CACNA2D3: variants seen among roughly 807,000 people sequenced by gnomAD.
CACNA2D3 encodes voltage-dependent calcium channel subunit alpha-2/delta-3.
CACNA2D3 carries 60 observed loss-of-function variants against 160.6 expected under a neutral mutation model. The ratio of observed to expected loss-of-function variants is 0.37; its 90% CI spans 0.30 to 0.46. CACNA2D3 has a LOEUF of 0.46. Ranked by LOEUF, CACNA2D3 falls within the 20% of genes least tolerant of loss-of-function variation. The probability of loss-of-function intolerance (pLI) is 1.00; values close to 1 mark genes in which losing one functional copy is unlikely to be tolerated. For missense variants in CACNA2D3, 1,205 were observed against 1,365.0 expected, an observed-to-expected ratio of 0.88 and a Z score of 1.85; for synonymous variants, 558 against 492.9, an observed-to-expected ratio of 1.13 and a Z score of -1.75.
intron 3 of CACNA2D3, among the ~76,000 whole-genome samples, chr3:54,356,773 A>G (rs766442857): frequency 5.9e-5 from 9 of 152,322 alleles, no homozygotes; most frequent in Non-Finnish European, 1.2e-4. Flanking sequence ...AGTGGTATTA[A>G]TTTTAAAAAT....
chr3:54,759,497 C>G (rs1032912502), intron 12 of CACNA2D3, among the ~76,000 whole-genome samples: 1 of 149,482 alleles, frequency 6.7e-6, no homozygotes, highest in Non-Finnish European at 1.5e-5. Context: ...AAAAAAAAGG[C>G]TCAGAAAGAT....
intron 35 of CACNA2D3, among the ~76,000 whole-genome samples, chr3:55,052,362 C>T (rs1343394069): frequency 1.3e-5 from 2 of 151,684 alleles, no homozygotes; most frequent in African/African-American, 4.8e-5. Flanking sequence ...CATGATCTAA[C>T]TTTGTGAATA....
chr3:54,346,635 A>G (rs757066098), intron 3 of CACNA2D3, among the ~76,000 whole-genome samples: 50 of 152,184 alleles, frequency 3.3e-4, no homozygotes, highest in Non-Finnish European at 5.1e-4. Flanking sequence ...CATTATTAAC[A>G]TCTTGTATTA....
intron 20 of CACNA2D3, among the ~76,000 whole-genome samples, 152 bp downstream of exon 20, chr3:54,879,563 G>T (rs1699743395): frequency 6.6e-6 from 1 of 152,070 alleles, no homozygotes; most frequent in African/African-American, 2.4e-5. Context: ...TTCCCAGGCT[G>T]CTTTTGTTTT....
intron 4 of CACNA2D3, among the ~76,000 whole-genome samples, chr3:54,465,353 A>G (rs575523298): frequency 7.9e-5 from 12 of 152,294 alleles, no homozygotes; most frequent in South Asian, 6.2e-4. Flanking sequence ...AAACAAGCAC[A>G]TTCACATTAC....
At chr3:54,149,910 TCTCTCTCTCTCTCTCTCTCTCC>T (rs1700107999) in intron 2 of CACNA2D3, among the ~76,000 whole-genome samples, 2 of 92,502 alleles carry the variant, frequency 2.2e-5, no homozygotes, top group African/African-American at 4.5e-5. Context: ...TCTCTCTCTC[TCTCTCTCTCTCTCTCTCTCTCC>T]CTCCCTCCCT....
chr3:55,013,579 C>T (rs1703258255), intron 34 of CACNA2D3, among the ~76,000 whole-genome samples: 1 of 152,162 alleles, frequency 6.6e-6, no homozygotes, highest in Admixed American at 6.5e-5. Context: ...TTACCATTCC[C>T]TCAAAAGATA....
chr3:54,899,691 T>C (rs1700281460), intron 26 of CACNA2D3, 97 bp from the exon 27 acceptor site: 1 of 899,316 alleles, frequency 1.1e-6, no homozygotes, highest in African/African-American at 1.7e-5. Flanking sequence ...CCCAGAACAA[T>C]TTGCAGAATT....
chr3:54,349,384 G>T (rs566788967), intron 3 of CACNA2D3, among the ~76,000 whole-genome samples: 1 of 152,280 alleles, frequency 6.6e-6, no homozygotes, highest in Admixed American at 6.5e-5. Context: ...AGGCATTCCT[G>T]AGAGGCAGCT....
At chr3:54,742,101 A>G (rs1701662187) in intron 11 of CACNA2D3, among the ~76,000 whole-genome samples, 1 of 152,102 alleles carries the variant, frequency 6.6e-6, no homozygotes, top group South Asian at 2.1e-4. Flanking sequence ...TTGTGGGCTC[A>G]AGCAGTCTGT....
At chr3:54,421,119 A>C (rs1468606045) in intron 4 of CACNA2D3, among the ~76,000 whole-genome samples, 3 of 152,208 alleles carry the variant, frequency 2.0e-5, no homozygotes, top group African/African-American at 7.2e-5. Context: ...GAGATGAAGC[A>C]AGAGGCACCC....
intron 11 of CACNA2D3, among the ~76,000 whole-genome samples, chr3:54,715,226 A>G (rs1180526887): frequency 6.6e-6 from 1 of 152,196 alleles, no homozygotes; most frequent in African/African-American, 2.4e-5. Flanking sequence ...ACTCAGGGAA[A>G]CACTTTACTT....
At chr3:54,989,262 C>G (rs747366651) in intron 31 of CACNA2D3, among the ~76,000 whole-genome samples, 2 of 152,136 alleles carry the variant, frequency 1.3e-5, no homozygotes, top group Non-Finnish European at 2.9e-5. Flanking sequence ...TTGGATATTC[C>G]TTTCAAACTG....
intron 2 of CACNA2D3, among the ~76,000 whole-genome samples, chr3:54,251,773 A>G (rs1214556337): frequency 6.6e-6 from 1 of 152,238 alleles, no homozygotes; most frequent in African/African-American, 2.4e-5. Context: ...GTAAGAACTG[A>G]CATGGAGCAG....
At chr3:54,741,351 C>T (rs1458904084) in intron 11 of CACNA2D3, among the ~76,000 whole-genome samples, 1 of 152,212 alleles carries the variant, frequency 6.6e-6, no homozygotes, top group African/African-American at 2.4e-5. Context: ...AATTAATCCT[C>T]CCTGCCCCTC....
chr3:54,603,615 C>A (rs1170264209), intron 9 of CACNA2D3, among the ~76,000 whole-genome samples: 1 of 152,186 alleles, frequency 6.6e-6, no homozygotes, highest in East Asian at 1.9e-4. Flanking sequence ...GGCTTCAAGG[C>A]TAAGATTTCA....
intron 4 of CACNA2D3, among the ~76,000 whole-genome samples, chr3:54,497,659 A>G (rs1701222523): frequency 6.6e-6 from 1 of 152,152 alleles, no homozygotes; most frequent in South Asian, 2.1e-4. Flanking sequence ...AAGTGGTAAG[A>G]CAACCTTGCC....
chr3:54,477,540 C>T (rs976382804), intron 4 of CACNA2D3, among the ~76,000 whole-genome samples: 5 of 152,178 alleles, frequency 3.3e-5, no homozygotes, highest in African/African-American at 9.6e-5. Flanking sequence ...GACTTGCCAT[C>T]TCCCTGGGCC....
chr3:54,687,602 G>T (rs1007144421), intron 11 of CACNA2D3, among the ~76,000 whole-genome samples: 3 of 152,142 alleles, frequency 2.0e-5, no homozygotes, highest in African/African-American at 7.2e-5. Context: ...AAACCAAAAG[G>T]AATCACTTGG....
Sources: gnomAD v4.1 joint callset for allele counts (sites outside exome capture counted in the v4.1 genomes callset) on GRCh38, gnomAD v4.1.1 for gene constraint, MANE v1.5 for transcripts, NCBI Gene and HGNC (gene_info 2026-07-23, HGNC 2026-07-21) for gene names.